Variants in KIF5C observed in about 807,000 individuals in gnomAD.
KIF5C encodes the protein kinesin family member 5C.
Under a neutral mutation model 125.2 loss-of-function variants are expected in KIF5C, and 18 were observed. That is an observed-to-expected ratio of 0.14 (90% CI 0.10 to 0.21). The LOEUF is 0.21. Ranked by LOEUF, KIF5C falls within the 10% of genes least tolerant of loss-of-function variation. KIF5C has a pLI of 1.00. For missense variants in KIF5C, 780 were observed against 1,183.8 expected (o/e 0.66, Z 5.01); for synonymous variants, 405 against 434.0 (o/e 0.93, Z 0.83).
At chr2:148,915,694 C>T (rs1428670958) in intron 1 of KIF5C, among the ~76,000 whole-genome samples, 1 of 152,218 alleles carries the variant, frequency 6.6e-6, no homozygotes, top group Non-Finnish European at 1.5e-5. Context: ...TTACTTGGGG[C>T]TCCCCCAGAA....
intron 23 of KIF5C, among the ~76,000 whole-genome samples, 180 bp from the exon 24 acceptor site, chr2:149,009,955 G>A (rs1481308730): frequency 1.3e-5 from 2 of 152,124 alleles, no homozygotes; most frequent in South Asian, 2.1e-4. Flanking sequence ...TGTGAATCAC[G>A]TGTTCAGGAA....
At chr2:149,018,181 TG>T (rs35727564) in intron 25 of KIF5C, among the ~76,000 whole-genome samples, 7,136 of 152,108 alleles carry the variant, frequency 0.047, 594 homozygotes, top group African/African-American at 0.16. Flanking sequence ...TCCAGTGACT[TG>T]GAAGGGTGAG....
At chr2:148,980,219 A>T (rs1681193624) in intron 13 of KIF5C, among the ~76,000 whole-genome samples, 1 of 152,190 alleles carries the variant, frequency 6.6e-6, no homozygotes. Context: ...CAGGTGAACC[A>T]TATTTCGTTG....
At chr2:149,018,357 C>T (rs1374516003) in intron 25 of KIF5C, among the ~76,000 whole-genome samples, 1 of 152,166 alleles carries the variant, frequency 6.6e-6, no homozygotes, top group Non-Finnish European at 1.5e-5. Flanking sequence ...AACAAGCACT[C>T]CGTGCTCATC....
At chr2:148,878,644 G>A (rs1681262289) in intron 1 of KIF5C, 1 of 152,250 alleles carries the variant, frequency 6.6e-6, no homozygotes, top group Non-Finnish European at 1.5e-5. Flanking sequence ...AAGGAAATGA[G>A]GGTTCTGGCA....
intron 4 of KIF5C, among the ~76,000 whole-genome samples, chr2:148,941,110 G>T (rs963034321): frequency 2.0e-5 from 3 of 152,124 alleles, no homozygotes; most frequent in African/African-American, 7.2e-5. Context: ...GATCTTTCCT[G>T]GATGCACCAG....
chr2:149,007,392 A>G (rs764038197), intron 22 of KIF5C, among the ~76,000 whole-genome samples: 32 of 152,230 alleles, frequency 2.1e-4, no homozygotes, highest in Non-Finnish European at 3.5e-4. Flanking sequence ...CAATTTCAAG[A>G]TCTGATAAAT....
At chr2:148,928,361 C>T (rs751316265) in intron 2 of KIF5C, among the ~76,000 whole-genome samples, 3 of 152,106 alleles carry the variant, frequency 2.0e-5, no homozygotes, top group East Asian at 1.9e-4. Context: ...TCCCCTTATT[C>T]GGAATGGAGG....
intron 3 of KIF5C, among the ~76,000 whole-genome samples, chr2:148,934,682 C>A (rs1682254847): frequency 6.6e-6 from 1 of 151,880 alleles, no homozygotes; most frequent in African/African-American, 2.4e-5. Flanking sequence ...CCACACTCGC[C>A]ACACTTCCTA....
intron 16 of KIF5C, among the ~76,000 whole-genome samples, chr2:148,992,566 T>C (rs1020358052): frequency 7.2e-5 from 11 of 152,212 alleles, no homozygotes; most frequent in Non-Finnish European, 1.6e-4. Context: ...TTACATGGAA[T>C]AATATTATGC....
intron 11 of KIF5C, among the ~76,000 whole-genome samples, chr2:148,968,202 A>G (rs1478814120): frequency 6.6e-6 from 1 of 152,234 alleles, no homozygotes; most frequent in African/African-American, 2.4e-5. Context: ...AACAGTGGAT[A>G]TAGATTTACC....
intron 21 of KIF5C, 113 bp downstream of exon 21, chr2:149,000,895 A>G (rs1574828193): frequency 1.3e-6 from 2 of 1,516,766 alleles, no homozygotes; most frequent in Non-Finnish European, 1.8e-6. Context: ...AATGTTTTAG[A>G]TAAGACATTC....
At chr2:148,943,446 A>C (rs114139953) in intron 7 of KIF5C, among the ~76,000 whole-genome samples, 421 of 152,334 alleles carry the variant, frequency 2.8e-3, no homozygotes, top group African/African-American at 9.7e-3. Context: ...CAGTGAGTTC[A>C]TATGAACAGA....
chr2:148,946,910 C>T lies in KIF5C; in HGVS notation c.601C>T (p.His201Tyr). 1 of 1,612,320 alleles carries T rather than the reference C, an allele frequency of 6.2e-7. No homozygotes were observed. The highest frequency in any genetic ancestry group is 8.5e-7 in the Non-Finnish European group (1 of 1,179,536). ...RHVAVTNMNE[H>Y]SSRSHSIFLI... is the part of the protein sequence containing the mutation. Reference sequence around the variant, plus strand: ...ATTTTCCTTTTCAGACATGAATGAACACAGCTCTAGAAGTCACAGTATCTT... The same window carrying T: ...ATTTTCCTTTTCAGACATGAATGAATACAGCTCTAGAAGTCACAGTATCTT... Residue 201 changes from histidine (H) to tyrosine (Y), a missense_variant, in exon 8 of 26, where the codon CAC becomes TAC. His to Tyr is a moderately conservative substitution (Grantham distance 83). Around this residue, in one of 2 missense-constraint regions of KIF5C, gnomAD observed 207 missense variants for 441.2 expected, o/e 0.47. Transcript: ENST00000435030.
chr2:148,908,983 A>T (rs913480642), intron 1 of KIF5C, among the ~76,000 whole-genome samples: 1 of 152,212 alleles, frequency 6.6e-6, no homozygotes, highest in African/African-American at 2.4e-5. Context: ...TCACCTGAGC[A>T]TATATTATAG....
At chr2:148,909,742 C>T (rs781647913) in intron 1 of KIF5C, among the ~76,000 whole-genome samples, 15 of 152,186 alleles carry the variant, frequency 9.9e-5, no homozygotes, top group Non-Finnish European at 1.8e-4. Context: ...TCTCTGCTCA[C>T]AAGAGATGGG....
At chr2:148,947,809 T>G (rs1682554212) in intron 8 of KIF5C, 5 of 446,384 alleles carry the variant, frequency 1.1e-5, no homozygotes, top group Non-Finnish European at 2.3e-5. Flanking sequence ...CACAATGCCC[T>G]CTGGCCTCCA....
Position 149,011,702 on chromosome 2 carries a change from G to A in KIF5C, c.*7+19G>A. ...ATACAAAGTGAGTCCCATGTCAAGGGTGGTTTCTCTATCTGGAGGCAGAGG... is the reference window on the plus strand; with the variant it reads ...ATACAAAGTGAGTCCCATGTCAAGGATGGTTTCTCTATCTGGAGGCAGAGG... On this transcript the variant is annotated intron_variant, in intron 25 of 25. Transcript: ENST00000435030. 2 of 1,613,902 alleles carry A rather than the reference G, an allele frequency of 1.2e-6. No homozygotes were observed. The highest frequency in any genetic ancestry group is 1.7e-6 in the Non-Finnish European group (2 of 1,179,856).
Position 148,880,748 on chromosome 2 carries a change from C to G in KIF5C, c.126+5005C>G, listed in dbSNP as rs1681325685. Among the ~76,000 whole-genome samples, 3 of 152,078 alleles carry G rather than the reference C, an allele frequency of 2.0e-5. 1 individual carries two copies. The South Asian group carries it at 6.2e-4, about 32-fold the overall frequency. ...GCCCTAAATTCAGAGATGTTTATAT[C>G]ACCTGAAATGGGTTAGTGGTTTCCT... On this transcript the variant is annotated intron_variant, in intron 1 of 25. Coordinates refer to ENST00000435030, the MANE Select transcript of KIF5C (RefSeq NM_004522.3).
Sources: gnomAD v4.1 joint callset for allele counts (sites outside exome capture counted in the v4.1 genomes callset) on GRCh38, gnomAD v4.1.1 for gene constraint, gnomAD v4.1.1 regional missense constraint, MANE v1.5 for transcripts, NCBI Gene and HGNC (gene_info 2026-07-23, HGNC 2026-07-21) for gene names.